The following PDE10A variants were observed in gnomAD, a reference collection of about 807,000 sequenced individuals.
The protein encoded by PDE10A is phosphodiesterase 10A.
A neutral mutation model predicts 97.7 loss-of-function variants in PDE10A; 39 were observed. The observed-to-expected ratio is 0.40, with a 90% CI of 0.31 to 0.52. The LOEUF (loss-of-function observed/expected upper bound fraction) is 0.52. Ranked by LOEUF, PDE10A falls within the 20% of genes least tolerant of loss-of-function variation. PDE10A has a pLI of 0.56. For synonymous variants in PDE10A, 371 were observed against 376.8 expected (o/e 0.98, Z 0.18); for missense variants, 731 against 1,047.8 (o/e 0.70, Z 4.17).
chr6:165,457,947 C>T lies in PDE10A; in HGVS notation c.1024-7585G>A, dbSNP rs528424959. Among the ~76,000 whole-genome samples, 400 of 152,080 alleles carry T rather than the reference C, an allele frequency of 2.6e-3. 9 individuals are homozygous for T. Among genetic ancestry groups the T allele is most frequent in the Admixed American group, 0.021 (328 of 15,278 alleles). On this transcript the variant is annotated intron_variant, in intron 3 of 21. Transcript: ENST00000539869. ...TGGAAACTGTGACCTCTGTTAGTCC[C>T]GAGAGTCTGTGATTGTATGAGGTGG...
chr6:165,655,092 G>C lies in PDE10A; in HGVS notation c.865+6855C>G, dbSNP rs532067513. 6.6e-6 allele frequency among the ~76,000 whole-genome samples: 1 copy of C among 152,106 alleles called. No homozygotes were observed. Among genetic ancestry groups the C allele is most frequent in the Non-Finnish European group, 1.5e-5 (1 of 68,030 alleles). On this transcript the variant is annotated intron_variant, in intron 1 of 21. Coordinates refer to ENST00000539869, the MANE Select transcript of PDE10A (RefSeq NM_001385079.1). The surrounding 1 kb of genome is among the most constrained non-coding windows in gnomAD (Gnocchi z 4.5). ...CAGAATTCCAGCGGGCCGTCCGTTC[G>C]CGTGTCAAACTTCAGCCAGGCACTT...
chr6:165,968,576 C>T (rs1379970579), intron 1 of PDE10A, among the ~76,000 whole-genome samples: 1 of 152,150 alleles, frequency 6.6e-6, no homozygotes, highest in African/African-American at 2.4e-5. Flanking sequence ...ATGACTCAGA[C>T]AGAGAGAGAT....
intron 1 of PDE10A, among the ~76,000 whole-genome samples, chr6:165,923,774 GTTT>G (rs10718304): frequency 5.4e-5 from 8 of 149,376 alleles, no homozygotes; most frequent in Admixed American, 3.3e-4. Context: ...AATTAACTGT[GTTT>G]TTTTTTTTAA....
chr6:165,551,057 T>C (rs756508804), intron 1 of PDE10A, among the ~76,000 whole-genome samples: 7 of 152,216 alleles, frequency 4.6e-5, no homozygotes, highest in African/African-American at 1.7e-4. Flanking sequence ...AAACGTATCT[T>C]GTGTCATACT....
At chr6:165,529,931 T>C (rs1782672956) in intron 2 of PDE10A, among the ~76,000 whole-genome samples, 1 of 152,050 alleles carries the variant, frequency 6.6e-6, no homozygotes, top group South Asian at 2.1e-4. Context: ...ATGCAGAGTA[T>C]TAATCCTGGG....
chr6:165,849,393 T>C (rs1780510297), intron 1 of PDE10A, among the ~76,000 whole-genome samples: 1 of 152,234 alleles, frequency 6.6e-6, no homozygotes, highest in African/African-American at 2.4e-5. Flanking sequence ...GTTGTTGGAA[T>C]AGGAGATTAC....
intron 1 of PDE10A, among the ~76,000 whole-genome samples, chr6:165,567,207 C>T (rs1007029664): frequency 6.6e-6 from 1 of 152,116 alleles, no homozygotes; most frequent in Non-Finnish European, 1.5e-5. Flanking sequence ...AAGATAAATA[C>T]TGCATGAGTC....
chr6:165,432,720 AC>A (rs1789688265), intron 7 of PDE10A, among the ~76,000 whole-genome samples: 1 of 152,176 alleles, frequency 6.6e-6, no homozygotes, highest in Non-Finnish European at 1.5e-5. Flanking sequence ...GACTCAGAGT[AC>A]AGCATACCTT....
chr6:165,483,788 A>C (rs1395756511), intron 2 of PDE10A, among the ~76,000 whole-genome samples: 1 of 152,232 alleles, frequency 6.6e-6, no homozygotes, highest in Non-Finnish European at 1.5e-5. Flanking sequence ...TCACCACTAC[A>C]GATCTGAAAA....
chr6:165,447,817 A>C (rs1036515503), intron 5 of PDE10A, among the ~76,000 whole-genome samples: 41 of 152,210 alleles, frequency 2.7e-4, no homozygotes, highest in African/African-American at 9.9e-4. Flanking sequence ...TGGGAAATAC[A>C]AGAATGAACA....
chr6:165,480,511 G>C (rs573408071), intron 3 of PDE10A, among the ~76,000 whole-genome samples: 23 of 151,894 alleles, frequency 1.5e-4, no homozygotes, highest in Non-Finnish European at 2.8e-4. Context: ...ATCTGAACTC[G>C]GGCAGTCAAG....
At chr6:165,670,500 A>T (rs535184914) in intron 1 of PDE10A, among the ~76,000 whole-genome samples, 1 of 152,354 alleles carries the variant, frequency 6.6e-6, no homozygotes, top group Admixed American at 6.5e-5. Context: ...CCAGAAGTTT[A>T]GGCAAGATTA....
rs567253451 is a variant in PDE10A, at chr6:165,613,484, C to A, written c.865+48463G>T. Among the ~76,000 whole-genome samples, 20 of 151,962 alleles carry A rather than the reference C, an allele frequency of 1.3e-4. No individual in the cohort carries two copies. The East Asian group carries it at 3.9e-3, about 30-fold the overall frequency. On this transcript the variant is annotated intron_variant, in intron 1 of 21. Transcript: ENST00000539869. ...GCAAAACTCCATCTCTACAAAAATA[C>A]AAAAATTAGCCAGGCGTGGTGGTAC...
chr6:165,649,486 T>C (rs753807228), intron 1 of PDE10A, among the ~76,000 whole-genome samples: 2 of 151,848 alleles, frequency 1.3e-5, no homozygotes, highest in African/African-American at 4.8e-5. Flanking sequence ...AGTGTCCCCA[T>C]GAAGGCCCAG....
chr6:165,642,270 T>C (rs1413798570), intron 1 of PDE10A, among the ~76,000 whole-genome samples: 2 of 152,196 alleles, frequency 1.3e-5, no homozygotes, highest in Non-Finnish European at 2.9e-5. Flanking sequence ...ATGCCCCGGA[T>C]GAATGTGGCT....
At chr6:165,529,191 T>C (rs1782626832) in intron 2 of PDE10A, among the ~76,000 whole-genome samples, 1 of 152,068 alleles carries the variant, frequency 6.6e-6, no homozygotes, top group Non-Finnish European at 1.5e-5. Flanking sequence ...AAGAATGGAG[T>C]TACAGTGTTG....
intron 1 of PDE10A, among the ~76,000 whole-genome samples, chr6:165,815,132 C>T (rs551457889): frequency 3.0e-4 from 45 of 152,278 alleles, no homozygotes; most frequent in African/African-American, 9.6e-4. Flanking sequence ...GGCTCTCTTT[C>T]GTCATCATGC....
Position 165,418,875 on chromosome 6 carries a change from A to G in PDE10A, c.1654-98T>C, listed in dbSNP as rs897011015. On this transcript the variant is annotated intron_variant, in intron 10 of 21. Coordinates refer to ENST00000539869, the MANE Select transcript of PDE10A (RefSeq NM_001385079.1). This position sits in a 1 kb window ranked among gnomAD's most constrained non-coding sequence, Gnocchi z 4.8. ...AATAAGTATTAATTTCAGCTGTCCTATACTCTAATTGGTTGGTATTAGCAT... is the reference window on the plus strand; with the variant it reads ...AATAAGTATTAATTTCAGCTGTCCTGTACTCTAATTGGTTGGTATTAGCAT... 5 of 898,944 alleles carry G rather than the reference A, an allele frequency of 5.6e-6. No homozygotes were observed. In the African/African-American group the frequency reaches 8.5e-5, roughly 15 times the overall value. 55.7% of individuals were successfully genotyped at this position (898,944 alleles called of 1,614,324 possible). A position where few individuals can be genotyped will look rare whatever the true frequency, so the allele number is the denominator to read the frequency against.
chr6:165,444,101 T>C (rs1469898015), intron 5 of PDE10A, among the ~76,000 whole-genome samples: 1 of 152,138 alleles, frequency 6.6e-6, no homozygotes, highest in Non-Finnish European at 1.5e-5. Context: ...CATATGACTG[T>C]GCAAGGCTAG....
Sources: gnomAD v4.1 joint callset for allele counts (sites outside exome capture counted in the v4.1 genomes callset) on GRCh38, gnomAD v4.1.1 for gene constraint, Gnocchi (gnomAD v3.1) non-coding constraint, MANE v1.5 for transcripts, NCBI Gene and HGNC (gene_info 2026-07-23, HGNC 2026-07-21) for gene names.